Variants in MED16 observed in about 807,000 individuals in gnomAD.
MED16 encodes mediator of RNA polymerase II transcription subunit 16.
A neutral mutation model predicts 84.4 loss-of-function variants in MED16; 81 were observed. The ratio of observed to expected loss-of-function variants is 0.96; its 90% CI spans 0.80 to 1.15. MED16 has a LOEUF of 1.15. MED16 is among the 50% of genes most tolerant of loss of function. The pLI, the probability that MED16 is intolerant of heterozygous loss-of-function variation, is 0.00. For missense variants in MED16, 1,585 were observed against 1,245.9 expected, an observed-to-expected ratio of 1.27 and a Z score of -4.10; for synonymous variants, 897 against 552.2, an observed-to-expected ratio of 1.62 and a Z score of -8.76.
chr19:889,016 G>GC (rs558695313), intron 4 of MED16, among the ~76,000 whole-genome samples: 7 of 149,666 alleles, frequency 4.7e-5, no homozygotes, highest in African/African-American at 1.2e-4. Context: ...GAACCCAGGT[G>GC]CCCCCCCAAC....
rs192764953 is a variant in MED16, at chr19:873,019, G to A, written c.1905+430C>T. On this transcript the variant is annotated intron_variant, in intron 11 of 15. Transcript: ENST00000325464. ...CCGAGGTGGGGGAGGGCTCCGAGGTGGGGCAGGGCTCCGAGGTGGGGCAGG... is the reference window on the plus strand; with the variant it reads ...CCGAGGTGGGGGAGGGCTCCGAGGTAGGGCAGGGCTCCGAGGTGGGGCAGG... 33 of 255,156 alleles carry A rather than the reference G, an allele frequency of 1.3e-4. No individual in the cohort carries two copies. The African/African-American group carries it at 1.5e-3, about 12-fold the overall frequency. The allele number at this position is 255,156 out of a possible 1,614,324, so 15.8% of individuals were successfully genotyped here. A position where few individuals can be genotyped will look rare whatever the true frequency, so the allele number is the denominator to read the frequency against.
At position 871,947 on chromosome 19, in the gene MED16, G is replaced by C. The variant is rs770670775; in HGVS notation, c.2077C>G (p.Leu693Val). The C allele has an allele frequency of 5.6e-6, 9 of 1,602,120 alleles. No individual in the cohort carries two copies. The highest frequency in any genetic ancestry group is 1.7e-5 in the Admixed American group (1 of 59,124). Residue 693 changes from leucine to valine, a missense_variant, in exon 12 of 16, where the codon CTC (leucine) becomes GTC (valine). Coordinates refer to ENST00000325464, the MANE Select transcript of MED16 (RefSeq NM_005481.3). ...QDSMSLLFRL[L>V]TKLWICCRDE... ...TCACAGCAGATCCAGAGCTTGGTGAGCAGGCGGAAGAGCAGGGACATGCTG... is the reference window on the plus strand; with the variant it reads ...TCACAGCAGATCCAGAGCTTGGTGACCAGGCGGAAGAGCAGGGACATGCTG...
At chr19:877,246 T>G (rs1599327754) in intron 8 of MED16, 66 bp from the exon 9 acceptor site, 1 of 1,476,746 alleles carries the variant, frequency 6.8e-7, no homozygotes, top group East Asian at 2.4e-5. Context: ...GGGAGAGGAA[T>G]GGGGCCCTGG....
intron 8 of MED16, among the ~76,000 whole-genome samples, chr19:878,046 C>T (rs1363694365): frequency 7.6e-6 from 1 of 130,936 alleles, no homozygotes; most frequent in Non-Finnish European, 1.6e-5. Context: ...CCCCACGTGC[C>T]CCAGCAGCTC....
chr19:886,913 T>G (rs934863860), intron 4 of MED16, among the ~76,000 whole-genome samples: 3 of 151,766 alleles, frequency 2.0e-5, no homozygotes, highest in African/African-American at 7.3e-5. Context: ...CTGTTGCTAA[T>G]AAAAAATACA....
chr19:879,404 T>A, intron 8 of MED16, among the ~76,000 whole-genome samples: 2 of 20,802 alleles, frequency 9.6e-5, no homozygotes, highest in African/African-American at 3.6e-4. Context: ...AGCTCACCTT[T>A]CCCTGGTTGT....
intron 9 of MED16, among the ~76,000 whole-genome samples, chr19:876,603 A>G (rs1045933357): frequency 3.3e-5 from 5 of 151,998 alleles, no homozygotes; most frequent in African/African-American, 1.2e-4. Flanking sequence ...GCTTTCCTGG[A>G]CGGGCCTCTG....
intron 6 of MED16, among the ~76,000 whole-genome samples, chr19:884,623 G>A (rs2036487819): frequency 6.6e-6 from 1 of 152,198 alleles, no homozygotes; most frequent in Non-Finnish European, 1.5e-5. Context: ...CCCGCTGGCT[G>A]AGCAACGACA....
At chr19:874,928 C>T (rs566444855) in intron 10 of MED16, among the ~76,000 whole-genome samples, 73 of 151,876 alleles carry the variant, frequency 4.8e-4, no homozygotes, top group African/African-American at 1.7e-3. Context: ...TTTAGGAGGC[C>T]GAGGCGGGCG....
chr19:874,787 T>A (rs1225578454), intron 10 of MED16, among the ~76,000 whole-genome samples: 2 of 149,268 alleles, frequency 1.3e-5, no homozygotes, highest in Non-Finnish European at 3.0e-5. Flanking sequence ...GCGAGATTGC[T>A]TGAGCCCAGA....
intron 5 of MED16, among the ~76,000 whole-genome samples, 194 bp downstream of exon 5, chr19:885,576 C>T (rs544615267): frequency 1.1e-4 from 16 of 152,242 alleles, no homozygotes; most frequent in African/African-American, 3.9e-4. Context: ...CGCCCCGAAC[C>T]GAGGGATTGG....
rs2036259060 is a variant in MED16, at chr19:876,979, G to GC, written c.1554dup (p.Gln519AlafsTer55). 6.5e-7 allele frequency: 1 copy of GC among 1,531,908 alleles called. No individual in the cohort carries two copies. The highest frequency in any genetic ancestry group is 2.7e-5 in the East Asian group (1 of 36,388). The allele number at this position is 1,531,908 out of a possible 1,614,324, so 94.9% of individuals were successfully genotyped here. On this transcript the variant is annotated frameshift_variant, in exon 9 of 16. Coordinates refer to ENST00000325464, the MANE Select transcript of MED16 (RefSeq NM_005481.3). LOFTEE classifies it high-confidence loss of function. ...CACCTGCCACGGGCCCCCACCTGCTGCAGGGCAGCGGTCTGGCGCGTGTAC... is the reference window on the plus strand; with the variant it reads ...CACCTGCCACGGGCCCCCACCTGCTGCCAGGGCAGCGGTCTGGCGCGTGTAC...
chr19:875,400 AG>A lies in MED16; in HGVS notation c.1614del (p.Cys539AlafsTer3). 1 of 1,607,952 alleles carries A rather than the reference AG, an allele frequency of 6.2e-7. No individual in the cohort carries two copies. The highest frequency in any genetic ancestry group is 8.5e-7 in the Non-Finnish European group (1 of 1,179,756). ...TAGTCGCACACGCGGGTCACCGTGC[AG>A]GGCGACAGCTTGCAGAGCGAGGCCT... ...AMKASLCKLSPCTVTRVCDYH... is the reference protein window; with the variant it reads ...AMKASLCKLSXCTVTRVCDYH... On this transcript the variant is annotated frameshift_variant, in exon 10 of 16. Transcript: ENST00000325464. LOFTEE classifies it high-confidence loss of function.
intron 10 of MED16, 126 bp downstream of exon 10, chr19:875,118 C>T (rs763364062): frequency 3.6e-5 from 21 of 589,624 alleles, no homozygotes; most frequent in Non-Finnish European, 5.1e-5. Flanking sequence ...GAGCTGAGAT[C>T]GCACCACTGC....
At chr19:885,117 CT>C in intron 5 of MED16, 109 bp from the exon 6 acceptor site, 3 of 797,162 alleles carry the variant, frequency 3.8e-6, no homozygotes, top group Non-Finnish European at 6.1e-6. Context: ...GGGCCTGTCT[CT>C]TCAGCCACGC....
In MED16 at chr19:872,186, G is replaced by C. The variant is rs2036091554; in HGVS notation, c.1906-68C>G. The C allele has an allele frequency of 2.1e-6, 3 of 1,418,440 alleles. No individual in the cohort carries two copies. The South Asian group carries it at 3.9e-5, about 18-fold the overall frequency. The allele number at this position is 1,418,440 out of a possible 1,614,324, so 87.9% of individuals were successfully genotyped here. On this transcript the variant is annotated intron_variant, in intron 11 of 15. Transcript: ENST00000325464. ...AGATGGCGATGGGATGAAGTGTCTT[G>C]GGGTCGGTGGAACCCCGACCGGGGG...
In MED16 at chr19:889,782, G is replaced by C; in HGVS notation, c.303C>G (p.Ala101=). The C allele has an allele frequency of 6.2e-7, 1 of 1,612,382 alleles. No individual in the cohort carries two copies. The highest frequency in any genetic ancestry group is 8.5e-7 in the Non-Finnish European group (1 of 1,179,490). Reference sequence around the variant, plus strand: ...TGCTCCAGCACTTGATCTGCCCGTCGGCATCTGCTGACAGGAGCCGGGAGC... The same window carrying C: ...TGCTCCAGCACTTGATCTGCCCGTCCGCATCTGCTGACAGGAGCCGGGAGC... The part of the protein sequence containing the change: ...QSGSRLLSAD[A]DGQIKCWSMA... Residue 101 remains alanine (A), a synonymous_variant, in exon 4 of 16, where the codon GCC becomes GCG. Transcript: ENST00000325464.
Position 877,051 on chromosome 19 carries a change from C to A in MED16, c.1483G>T (p.Val495Leu), listed in dbSNP as rs755155990. The A allele has an allele frequency of 8.7e-6, 14 of 1,612,496 alleles. No homozygotes were observed. The highest frequency in any genetic ancestry group is 1.1e-5 in the Non-Finnish European group (13 of 1,179,922). ...GYDWWDILLH[V>L]QPSMVQSLVE... ...AGGCTCTGTACCATACTGGGCTGCA[C>A]GTGCAGCAGGATGTCCCACCAGTCG... is the stretch of plus-strand genomic sequence containing the variant. The change falls in exon 9 of 16, where the codon GTG becomes TTG. Residue 495 changes from valine (V) to leucine (L), a missense_variant. Val to Leu is a conservative substitution (Grantham distance 32). Coordinates refer to ENST00000325464, the MANE Select transcript of MED16 (RefSeq NM_005481.3).
Position 889,741 on chromosome 19 carries a change from G to A in MED16, c.344C>T (p.Ala115Val), listed in dbSNP as rs758685057. ...IKCWSMADHL[A>V]NSWESSVGSL... is the part of the protein sequence containing the mutation. ...GCCCACTGAGCTCTCCCAGCTATTAGCCAGGTGGTCCGCCATGCTCCAGCA... is the reference window on the plus strand; with the variant it reads ...GCCCACTGAGCTCTCCCAGCTATTAACCAGGTGGTCCGCCATGCTCCAGCA... The change falls in exon 4 of 16, where the codon GCT becomes GTT. Residue 115 changes from alanine (A) to valine (V), a missense_variant. By Grantham distance (64) the Ala-to-Val change is moderately conservative. Coordinates refer to ENST00000325464, the MANE Select transcript of MED16 (RefSeq NM_005481.3). 4.3e-6 allele frequency: 7 copies of A among 1,613,652 alleles called. No individual in the cohort carries two copies. Among genetic ancestry groups the A allele is most frequent in the Admixed American group, 1.7e-5 (1 of 59,992 alleles).
Sources: gnomAD v4.1 joint callset for allele counts (sites outside exome capture counted in the v4.1 genomes callset) on GRCh38, gnomAD v4.1.1 for gene constraint, MANE v1.5 for transcripts, NCBI Gene and HGNC (gene_info 2026-07-23, HGNC 2026-07-21) for gene names.